The following SEMA5A variants were observed in gnomAD, a reference collection of about 807,000 sequenced individuals.
SEMA5A encodes the protein semaphorin-5A.
In SEMA5A, 55 loss-of-function variants were observed where a neutral mutation model predicts 135.5. The observed-to-expected ratio is 0.41, with a 90% CI of 0.33 to 0.51. SEMA5A has a LOEUF of 0.51. Ranked by LOEUF, SEMA5A falls within the 20% of genes least tolerant of loss-of-function variation. The pLI is 0.37. For missense variants in SEMA5A, 1,290 were observed against 1,419.9 expected (o/e 0.91, Z 1.47); for synonymous variants, 580 against 546.5 (o/e 1.06, Z -0.85).
At chr5:9,173,291 T>A (rs1226574273) in intron 11 of SEMA5A, among the ~76,000 whole-genome samples, 1 of 151,694 alleles carries the variant, frequency 6.6e-6, no homozygotes, top group Non-Finnish European at 1.5e-5. Flanking sequence ...TTTTTTTTTT[T>A]TTTTTTTTTG....
intron 2 of SEMA5A, among the ~76,000 whole-genome samples, chr5:9,392,320 T>G (rs752996664): frequency 6.6e-6 from 1 of 152,196 alleles, no homozygotes; most frequent in Non-Finnish European, 1.5e-5. Flanking sequence ...ATTTAAAGGA[T>G]CTATAATTTT....
At chr5:9,544,235 C>A (rs1738248121) in intron 1 of SEMA5A, among the ~76,000 whole-genome samples, 1 of 152,086 alleles carries the variant, frequency 6.6e-6, no homozygotes, top group Admixed American at 6.5e-5. Flanking sequence ...CAAACCAGAA[C>A]AATCATTTGT....
At chr5:9,317,512 G>A (rs1376504562) in intron 5 of SEMA5A, among the ~76,000 whole-genome samples, 1 of 152,100 alleles carries the variant, frequency 6.6e-6, no homozygotes, top group African/African-American at 2.4e-5. Flanking sequence ...ACCTTGCTAA[G>A]TAAAAGATAG....
rs3026326 is a variant in SEMA5A at position 9,232,840 on chromosome 5, G to T, written c.333+4988C>A. On this transcript the variant is annotated intron_variant, in intron 6 of 22. Transcript: ENST00000382496. Reference sequence around the variant, plus strand: ...AAGCAATTACATAAAATAAAAGCAGGGCTACAATGTGTCCCATGTATTGAT... The same window carrying T: ...AAGCAATTACATAAAATAAAAGCAGTGCTACAATGTGTCCCATGTATTGAT... 3.8e-3 allele frequency among the ~76,000 whole-genome samples: 576 copies of T among 152,098 alleles called. 3 individuals carry two copies. Among genetic ancestry groups the T allele is most frequent in the African/African-American group, 0.014 (563 of 41,480 alleles).
chr5:9,259,101 C>T (rs925323754), intron 5 of SEMA5A, among the ~76,000 whole-genome samples: 1 of 152,136 alleles, frequency 6.6e-6, no homozygotes, highest in African/African-American at 2.4e-5. Flanking sequence ...GGATTACAGG[C>T]ATGAGCCACC....
intron 11 of SEMA5A, among the ~76,000 whole-genome samples, chr5:9,165,810 T>C (rs1269050505): frequency 6.6e-6 from 1 of 152,210 alleles, no homozygotes; most frequent in Non-Finnish European, 1.5e-5. Context: ...GATCATTATA[T>C]AAAGTTCATC....
chr5:9,096,451 C>CTCTT (rs1271736731), intron 16 of SEMA5A, among the ~76,000 whole-genome samples: 1 of 152,028 alleles, frequency 6.6e-6, no homozygotes. Flanking sequence ...TGCACTATTT[C>CTCTT]TCTTTCTTTG....
At position 9,136,530 on chromosome 5, in the gene SEMA5A, A is replaced by C; in HGVS notation, c.1573T>G (p.Trp525Gly). 6.2e-7 allele frequency: 1 copy of C among 1,614,046 alleles called. No individual in the cohort carries two copies. The highest frequency in any genetic ancestry group is 1.7e-5 in the Admixed American group (1 of 60,022). ...SLEESLSMTQ[W>G]EQSISACPTR... ...GGACACGCAGAGATGCTCTGTTCCCACTGCGTCATGCTCAGGCTCTCCTCC... is the reference window on the plus strand; with the variant it reads ...GGACACGCAGAGATGCTCTGTTCCCCCTGCGTCATGCTCAGGCTCTCCTCC... The change falls in exon 13 of 23, where the codon TGG (tryptophan) becomes GGG (glycine). Residue 525 changes from tryptophan to glycine, a missense_variant. Physicochemically the swap from Trp to Gly is radical, Grantham distance 184. Around this residue, in one of 3 missense-constraint regions of SEMA5A, gnomAD observed 1,029 missense variants for 1,086.6 expected, o/e 0.95. Coordinates refer to ENST00000382496, the MANE Select transcript of SEMA5A (RefSeq NM_003966.3).
chr5:9,052,086 A>C lies in SEMA5A; in HGVS notation c.2690-58T>G, dbSNP rs561699740. ...AATGGCCAGTAAGCTCAATCATCCT[A>C]GACTCACTGGCAAGTTACATATGTG... is the stretch of plus-strand genomic sequence containing the variant. On this transcript the variant is annotated intron_variant, in intron 19 of 22. Transcript: ENST00000382496. 81 of 1,468,538 alleles carry C rather than the reference A, an allele frequency of 5.5e-5. No homozygotes were observed. The African/African-American group carries it at 1.1e-3, about 20-fold the overall frequency. The allele number at this position is 1,468,538 out of a possible 1,614,324, so 91.0% of individuals were successfully genotyped here.
chr5:9,293,237 A>C (rs1751175335), intron 5 of SEMA5A, among the ~76,000 whole-genome samples: 1 of 152,152 alleles, frequency 6.6e-6, no homozygotes, highest in Non-Finnish European at 1.5e-5. Flanking sequence ...AGGAGGTGGC[A>C]TCTGATATCT....
At position 9,429,483 on chromosome 5, in the gene SEMA5A, T is replaced by G. The variant is rs181953088; in HGVS notation, c.-78+8273A>C. The stretch of plus-strand genomic sequence containing the variant: ...TTACATGAGAAGGCAGGGGCAGAAG[T>G]TATGTAAAATTGATAAACAAAATAT... On this transcript the variant is annotated intron_variant, in intron 2 of 22. Transcript: ENST00000382496. Among the ~76,000 whole-genome samples, 26 of 152,266 alleles carry G rather than the reference T, an allele frequency of 1.7e-4. No homozygotes were observed. In the East Asian group the frequency reaches 4.8e-3, roughly 28 times the overall value.
chr5:9,133,918 G>A (rs751295278), intron 13 of SEMA5A, among the ~76,000 whole-genome samples: 8 of 151,790 alleles, frequency 5.3e-5, no homozygotes, highest in Non-Finnish European at 1.0e-4. Context: ...GGAACCTAGT[G>A]GGAGGTAATT....
intron 1 of SEMA5A, among the ~76,000 whole-genome samples, chr5:9,447,619 C>T (rs2126695937): frequency 6.6e-6 from 1 of 152,252 alleles, no homozygotes; most frequent in East Asian, 1.9e-4. Context: ...GGACTTAACA[C>T]TATATGAATC....
At chr5:9,238,568 T>G (rs994813608) in intron 5 of SEMA5A, among the ~76,000 whole-genome samples, 2 of 152,152 alleles carry the variant, frequency 1.3e-5, no homozygotes, top group African/African-American at 4.8e-5. Flanking sequence ...CCACGTCTGA[T>G]GCTAACTCAC....
chr5:9,216,754 G>T (rs1020747126), intron 8 of SEMA5A, among the ~76,000 whole-genome samples: 6 of 152,144 alleles, frequency 3.9e-5, no homozygotes, highest in South Asian at 2.1e-4. Flanking sequence ...TTGTCTTTTT[G>T]ATCTTTGTTG....
At chr5:9,189,751 T>C (rs1025822965) in intron 11 of SEMA5A, among the ~76,000 whole-genome samples, 24 of 152,374 alleles carry the variant, frequency 1.6e-4, no homozygotes, top group African/African-American at 5.8e-4. Context: ...AATTGTCATT[T>C]GTAATTTGAA....
intron 1 of SEMA5A, among the ~76,000 whole-genome samples, chr5:9,450,119 C>G (rs114633868): frequency 0.02 from 3,041 of 152,214 alleles, 51 homozygotes; most frequent in South Asian, 0.069. Context: ...TCCCCTATAC[C>G]AGGATCCTTC....
chr5:9,308,855 G>A (rs1751994440), intron 5 of SEMA5A, among the ~76,000 whole-genome samples: 2 of 152,204 alleles, frequency 1.3e-5, no homozygotes, highest in South Asian at 2.1e-4. Flanking sequence ...TGGAGAACTC[G>A]ATGAGATGAT....
At chr5:9,419,701 A>G (rs1447818929) in intron 2 of SEMA5A, among the ~76,000 whole-genome samples, 2 of 152,196 alleles carry the variant, frequency 1.3e-5, no homozygotes, top group Non-Finnish European at 2.9e-5. Context: ...AGTACATGGC[A>G]GATTTAACAT....
Sources: gnomAD v4.1 joint callset for allele counts (sites outside exome capture counted in the v4.1 genomes callset) on GRCh38, gnomAD v4.1.1 for gene constraint, gnomAD v4.1.1 regional missense constraint, MANE v1.5 for transcripts, NCBI Gene and HGNC (gene_info 2026-07-23, HGNC 2026-07-21) for gene names.